The following KIF4A variants were observed in gnomAD, a reference collection of about 807,000 sequenced individuals.
KIF4A encodes the protein kinesin family member 4A.
In KIF4A, 7 loss-of-function variants were observed where a neutral mutation model predicts 105.9. The observed-to-expected ratio is 0.07, with a 90% CI of 0.04 to 0.12. The LOEUF is 0.12. Among genes scored for constraint, KIF4A ranks in the 10% least tolerant of loss-of-function variants. The pLI, the probability that KIF4A is intolerant of heterozygous loss-of-function variation, is 1.00. For missense variants in KIF4A, 558 were observed against 929.2 expected, an observed-to-expected ratio of 0.60 and a Z score of 5.19; for synonymous variants, 281 against 331.3, an observed-to-expected ratio of 0.85 and a Z score of 1.65.
chrX:70,374,461 C>T (rs1197791428), intron 16 of KIF4A, among the ~76,000 whole-genome samples: 1 of 111,889 alleles, frequency 8.9e-6, no homozygotes, highest in Non-Finnish European at 1.9e-5. Context: ...TAACACAGCA[C>T]ATGATTAGTA....
chrX:70,401,662 A>G (rs2086283208), intron 22 of KIF4A, among the ~76,000 whole-genome samples: 1 of 111,770 alleles, frequency 8.9e-6, no homozygotes, highest in Non-Finnish European at 1.9e-5. Flanking sequence ...CGGCCTCCCA[A>G]AGTGCTGGGA....
At chrX:70,402,723 G>A in intron 23 of KIF4A, 28 bp downstream of exon 23, 1 of 1,197,183 alleles carries the variant, frequency 8.4e-7, no homozygotes, top group Non-Finnish European at 1.1e-6. Context: ...CAGCAGTTAG[G>A]AGGCTGGCTG....
intron 7 of KIF4A, among the ~76,000 whole-genome samples, chrX:70,309,514 C>T (rs898999512): frequency 9.0e-6 from 1 of 111,459 alleles, no homozygotes; most frequent in Non-Finnish European, 1.9e-5. Flanking sequence ...TTTCTTCTTA[C>T]ATATTTTTTC....
chrX:70,368,740 G>C (rs1377279640), intron 15 of KIF4A, among the ~76,000 whole-genome samples: 2 of 111,825 alleles, frequency 1.8e-5, no homozygotes, highest in Non-Finnish European at 3.8e-5. Context: ...CAGATCTTCA[G>C]CTGTGTGCTG....
chrX:70,414,712 A>G (rs2086336250), intron 28 of KIF4A, among the ~76,000 whole-genome samples: 1 of 112,089 alleles, frequency 8.9e-6, no homozygotes, highest in African/African-American at 3.2e-5. Flanking sequence ...GGTTAAACTG[A>G]TTCCATGTCA....
At chrX:70,376,298 G>A (rs1005217054) in intron 18 of KIF4A, 88 bp downstream of exon 18, 118 of 504,227 alleles carry the variant, frequency 2.3e-4, no homozygotes, top group Admixed American at 2.1e-4. Flanking sequence ...CAAACACCTC[G>A]TGTCTCCAAA....
At chrX:70,362,886 T>C (rs889665219) in intron 15 of KIF4A, among the ~76,000 whole-genome samples, 2 of 110,796 alleles carry the variant, frequency 1.8e-5, no homozygotes, top group African/African-American at 6.6e-5. Flanking sequence ...AATCACCATC[T>C]TTTTTTTTCT....
chrX:70,349,311 A>G (rs1164547715), intron 13 of KIF4A, among the ~76,000 whole-genome samples: 40 of 51,471 alleles, frequency 7.8e-4, no homozygotes, highest in East Asian at 7.5e-4. Flanking sequence ...CCTCCCAGAC[A>G]GGGTGGCCGG....
intron 10 of KIF4A, among the ~76,000 whole-genome samples, chrX:70,334,228 G>A (rs776188679): frequency 8.9e-5 from 10 of 111,800 alleles, no homozygotes; most frequent in Non-Finnish European, 1.9e-4. Context: ...TTGGGTACTA[G>A]CGCCAGCTGT....
chrX:70,407,982 G>A (rs150421264), intron 28 of KIF4A, among the ~76,000 whole-genome samples: 6,678 of 109,751 alleles, frequency 0.061, 194 homozygotes, highest in Middle Eastern at 0.09. Flanking sequence ...CAGGAGAATC[G>A]CTTGAACCTG....
At position 70,375,189 on chromosome X, in the gene KIF4A, A is replaced by C. The variant is rs200538648; in HGVS notation, c.1779-15A>C. The C allele has an allele frequency of 9.9e-6, 12 of 1,209,080 alleles. No homozygotes were observed. Among genetic ancestry groups the C allele is most frequent in the Non-Finnish European group, 1.2e-5 (11 of 894,807 alleles). On this transcript the variant is annotated splice_polypyrimidine_tract_variant and intron_variant, in intron 16 of 30. Coordinates refer to ENST00000374403, the MANE Select transcript of KIF4A (RefSeq NM_012310.5). ...TGCTGCTGGTAGTCCTCACTTCTAC[A>C]GCATCTGTGTTTAGGTTGAGTGAGC...
At chrX:70,404,108 T>G (rs942518120) in intron 24 of KIF4A, 74 bp downstream of exon 24, 40 of 1,097,507 alleles carry the variant, frequency 3.6e-5, no homozygotes, top group Non-Finnish European at 4.7e-5. Flanking sequence ...AAAAAAAAAG[T>G]GGGGATATGA....
intron 15 of KIF4A, among the ~76,000 whole-genome samples, chrX:70,356,433 C>T (rs754055791): frequency 1.1e-4 from 12 of 110,953 alleles, no homozygotes; most frequent in African/African-American, 3.9e-4. Flanking sequence ...AAATTAGCTG[C>T]ATGCCTTTAA....
chrX:70,419,628 A>G, intron 29 of KIF4A, 33 bp from the exon 30 acceptor site: 3 of 1,208,310 alleles, frequency 2.5e-6, no homozygotes, highest in Non-Finnish European at 3.4e-6. Context: ...CTGGCAGCCA[A>G]ATTTATAATA....
intron 16 of KIF4A, among the ~76,000 whole-genome samples, chrX:70,374,961 A>T (rs1053976697): frequency 8.9e-6 from 1 of 112,337 alleles, no homozygotes; most frequent in Non-Finnish European, 1.9e-5. Context: ...TTGATGCAAA[A>T]GGGGCGGCGT....
At chrX:70,397,204 A>G (rs1157075235) in intron 22 of KIF4A, among the ~76,000 whole-genome samples, 2 of 109,439 alleles carry the variant, frequency 1.8e-5, no homozygotes, top group African/African-American at 6.7e-5. Context: ...CCCCATCTCT[A>G]CTAAAAATAC....
At chrX:70,415,498 C>T (rs773155141) in intron 28 of KIF4A, 300 of 151,168 alleles carry the variant, frequency 2.0e-3, no homozygotes, top group African/African-American at 9.4e-3. Flanking sequence ...GTCTCAGATA[C>T]GCTGGAGGCT....
chrX:70,376,006 C>A lies in KIF4A; in HGVS notation c.1924-94C>A, dbSNP rs150106183. ...GACTGCTTTCCCAGCCTAGTTCTGGCTTTTCTCTCTTCTTAATGGTAAGTC... is the reference window on the plus strand; with the variant it reads ...GACTGCTTTCCCAGCCTAGTTCTGGATTTTCTCTCTTCTTAATGGTAAGTC... On this transcript the variant is annotated intron_variant, in intron 17 of 30. Transcript: ENST00000374403. The A allele has an allele frequency of 9.5e-4, 521 of 546,208 alleles. 4 individuals carry two copies. In the African/African-American group the frequency reaches 0.011, roughly 12 times the overall value. The allele number at this position is 546,208 out of a possible 1,213,427, so 45.0% of individuals were successfully genotyped here. A position where few individuals can be genotyped will look rare whatever the true frequency, so the allele number is the denominator to read the frequency against.
chrX:70,328,801 T>C (rs1333441868), intron 7 of KIF4A, among the ~76,000 whole-genome samples: 1 of 112,206 alleles, frequency 8.9e-6, no homozygotes, highest in Non-Finnish European at 1.9e-5. Context: ...GTTATTACAG[T>C]GTTTAAGAAG....
Sources: gnomAD v4.1 joint callset for allele counts (sites outside exome capture counted in the v4.1 genomes callset) on GRCh38, gnomAD v4.1.1 for gene constraint, MANE v1.5 for transcripts, NCBI Gene and HGNC (gene_info 2026-07-23, HGNC 2026-07-21) for gene names.